ZNF469: variants seen among roughly 807,000 people sequenced by gnomAD.
ZNF469 encodes the protein zinc finger protein 469.
Under a neutral mutation model 1.0 loss-of-function variants are expected in ZNF469, and 1 was observed. The ratio of observed to expected loss-of-function variants is 1.00; its 90% CI spans 0.35 to 4.73. The LOEUF is 4.73. ZNF469 is among the 30% of genes most tolerant of loss of function. The pLI, the probability that ZNF469 is intolerant of heterozygous loss-of-function variation, is 0.16. For synonymous variants in ZNF469, 2,703 were observed against 2,363.4 expected (o/e 1.14, Z -4.17); for missense variants, 6,100 against 5,356.3 (o/e 1.14, Z -4.33).
Position 88,438,340 on chromosome 16 carries a change from C to G in ZNF469, c.10870C>G (p.Arg3624Gly), listed in dbSNP as rs554588038. ...KRAPLVFSGK[R>G]RAPGARGRCA... The stretch of plus-strand genomic sequence containing the variant: ...GGCTCCTCTCGTGTTCTCAGGGAAA[C>G]GCAGGGCCCCGGGTGCCCGTGGCAG... The change falls in exon 3 of 3, where the codon CGC (arginine) becomes GGC (glycine). Residue 3624 changes from arginine to glycine, a missense_variant. By Grantham distance (125) the Arg-to-Gly change is moderately radical. Transcript: ENST00000565624. 4 of 1,550,204 alleles carry G rather than the reference C, an allele frequency of 2.6e-6. No homozygotes were observed. The highest frequency in any genetic ancestry group is 3.5e-6 in the Non-Finnish European group (4 of 1,146,956).
intron 1 of ZNF469, among the ~76,000 whole-genome samples, chr16:88,421,835 C>T (rs1437276621): frequency 6.6e-6 from 1 of 152,262 alleles, no homozygotes; most frequent in Non-Finnish European, 1.5e-5. Context: ...TGGGCTGCAA[C>T]TTCCTCACTT....
At chr16:88,396,597 C>CA (rs1567500037) in intron 1 of ZNF469, among the ~76,000 whole-genome samples, 4 of 52,382 alleles carry the variant, frequency 7.6e-5, no homozygotes, top group African/African-American at 4.3e-4. Context: ...GGAGGCCGGG[C>CA]GGAGACCCAT....
the ZNF469 span, among the ~76,000 whole-genome samples, chr16:88,262,238 T>C: frequency 6.6e-6 from 1 of 152,164 alleles, no homozygotes; most frequent in Non-Finnish European, 1.5e-5. This position sits in a 1 kb window ranked among gnomAD's most constrained non-coding sequence, Gnocchi z 4.3. Context: ...TGGAAATCTG[T>C]GCTGGAAATA....
At chr16:88,148,099 G>T in the ZNF469 span, among the ~76,000 whole-genome samples, 3 of 151,988 alleles carry the variant, frequency 2.0e-5, no homozygotes, top group Non-Finnish European at 4.4e-5. Context: ...AGCTTCCTTC[G>T]TCGTTGTGTG....
chr16:88,294,340 C>T, the ZNF469 span, among the ~76,000 whole-genome samples: 43 of 152,328 alleles, frequency 2.8e-4, no homozygotes, highest in African/African-American at 8.9e-4. Flanking sequence ...AGCACCCGCT[C>T]CTTCCTTACT....
rs1906373194 is a variant in ZNF469, at chr16:88,433,829, C to T, written c.6359C>T (p.Ala2120Val). 6.5e-7 allele frequency: 1 copy of T among 1,549,894 alleles called. No individual in the cohort carries two copies. Among genetic ancestry groups the T allele is most frequent in the Non-Finnish European group, 8.7e-7 (1 of 1,146,816 alleles). The change falls in exon 3 of 3, where the codon GCC becomes GTC. Residue 2120 changes from alanine (A) to valine (V), a missense_variant. Physicochemically the swap from Ala to Val is moderately conservative, Grantham distance 64 (BLOSUM62 0). Coordinates refer to ENST00000565624, the MANE Select transcript of ZNF469 (RefSeq NM_001367624.2). ...GCCTGCGCCCCCTCACCCACTTCAG[C>T]CGCCCACATGCCCTGCAGCCTTGGG... ...LAACAPSPTS[A>V]AHMPCSLGPL...
chr16:88,269,794 C>A, the ZNF469 span, among the ~76,000 whole-genome samples: 1 of 152,194 alleles, frequency 6.6e-6, no homozygotes, highest in South Asian at 2.1e-4. Flanking sequence ...TGAGTTACAA[C>A]CTCAGTGGCT....
At chr16:88,110,440 G>A in the ZNF469 span, among the ~76,000 whole-genome samples, 1 of 152,274 alleles carries the variant, frequency 6.6e-6, no homozygotes, top group African/African-American at 2.4e-5. Flanking sequence ...GCTCTCCCAG[G>A]TGTCGCTGAG....
chr16:88,420,126 C>G (rs777969191), intron 1 of ZNF469, among the ~76,000 whole-genome samples: 1 of 152,258 alleles, frequency 6.6e-6, no homozygotes, highest in African/African-American at 2.4e-5. Context: ...ACTCCCACAC[C>G]GGGACGAGGG....
chr16:88,377,307 G>A, the ZNF469 span, among the ~76,000 whole-genome samples: 2 of 152,230 alleles, frequency 1.3e-5, no homozygotes, highest in African/African-American at 4.8e-5. Flanking sequence ...GGTGGATCCT[G>A]CATGCCCAGA....
chr16:88,142,773 T>A, the ZNF469 span, among the ~76,000 whole-genome samples: 1 of 152,204 alleles, frequency 6.6e-6, no homozygotes, highest in African/African-American at 2.4e-5. Flanking sequence ...TCGCTGTGGA[T>A]CCCACCCGAG....
In ZNF469 at chr16:88,429,309, C is replaced by T. The variant is rs770428996; in HGVS notation, c.1839C>T (p.Ser613=). The T allele has an allele frequency of 6.5e-7, 1 of 1,549,966 alleles. No individual in the cohort carries two copies. Among genetic ancestry groups the T allele is most frequent in the Non-Finnish European group, 8.7e-7 (1 of 1,146,856 alleles). Residue 613 remains serine, a synonymous_variant, in exon 3 of 3, where the codon AGC becomes AGT. Transcript: ENST00000565624. ...GCTCTTCCCTGTCGCCGATGTCCAG[C>T]AGCCCAGCCAACCCCAGCTCAGAGG... ...STCSSLSPMS[S]SPANPSSEES...
chr16:88,428,524 A>G lies in ZNF469; in HGVS notation c.1054A>G (p.Ser352Gly), dbSNP rs984035236. Residue 352 changes from serine (S) to glycine (G), a missense_variant, in exon 3 of 3, where the codon AGT (serine) becomes GGT (glycine). Transcript: ENST00000565624. Reference protein sequence around the residue: ...PGGLNRHSDLSGALSSPGAAH... With the variant: ...PGGLNRHSDLGGALSSPGAAH... The stretch of plus-strand genomic sequence containing the variant: ...TGGCCTGAACCGCCACAGCGACCTC[A>G]GTGGTGCCCTCTCTTCCCCTGGAGC... 6.5e-7 allele frequency: 1 copy of G among 1,549,854 alleles called. No homozygotes were observed. The highest frequency in any genetic ancestry group is 1.4e-5 in the African/African-American group (1 of 73,020).
the ZNF469 span, among the ~76,000 whole-genome samples, chr16:88,361,613 A>G: frequency 4.6e-5 from 7 of 151,804 alleles, no homozygotes; most frequent in Non-Finnish European, 1.0e-4. Context: ...GTGCTTTGTC[A>G]GATACATGTT....
chr16:88,353,245 C>T, the ZNF469 span, among the ~76,000 whole-genome samples: 2 of 152,192 alleles, frequency 1.3e-5, no homozygotes, highest in Non-Finnish European at 2.9e-5. Context: ...CGTCACAATA[C>T]GCTCCCAATA....
the ZNF469 span, among the ~76,000 whole-genome samples, chr16:88,207,632 G>C: frequency 6.6e-6 from 1 of 151,208 alleles, no homozygotes; most frequent in Non-Finnish European, 1.5e-5. Flanking sequence ...GCCTCCCCTA[G>C]ACATAACCAA....
the ZNF469 span, among the ~76,000 whole-genome samples, chr16:88,323,061 G>T: frequency 6.6e-6 from 1 of 152,198 alleles, no homozygotes; most frequent in Admixed American, 6.5e-5. Flanking sequence ...AGTGTGGATG[G>T]CACATGAGCC....
At chr16:88,125,775 A>G in the ZNF469 span, among the ~76,000 whole-genome samples, 6 of 152,302 alleles carry the variant, frequency 3.9e-5, no homozygotes, top group South Asian at 4.1e-4. Context: ...TTTTTTTGCA[A>G]ATGGTATTTT....
the ZNF469 span, among the ~76,000 whole-genome samples, chr16:88,273,153 A>C: frequency 6.6e-6 from 1 of 152,132 alleles, no homozygotes; most frequent in Non-Finnish European, 1.5e-5. Context: ...GGGTGGATGG[A>C]TAGCTGGATA....
Sources: gnomAD v4.1 joint callset for allele counts (sites outside exome capture counted in the v4.1 genomes callset) on GRCh38, gnomAD v4.1.1 for gene constraint, Gnocchi (gnomAD v3.1) non-coding constraint, MANE v1.5 for transcripts, NCBI Gene and HGNC (gene_info 2026-07-23, HGNC 2026-07-21) for gene names.